Variants in SMARCA2 observed in about 807,000 individuals in gnomAD.
The protein encoded by SMARCA2 is SWI/SNF related BAF chromatin remodeling complex subunit ATPase 2.
A neutral mutation model predicts 199.8 loss-of-function variants in SMARCA2; 61 were observed. That is an observed-to-expected ratio of 0.31 (90% CI 0.25 to 0.38). SMARCA2 has a LOEUF of 0.38. Ranked by LOEUF, SMARCA2 falls within the 10% of genes least tolerant of loss-of-function variation. The probability of loss-of-function intolerance (pLI) is 1.00; values close to 1 mark genes in which losing one functional copy is unlikely to be tolerated. For synonymous variants in SMARCA2, 935 were observed against 732.0 expected (o/e 1.28, Z -4.48); for missense variants, 1,344 against 2,012.2 (o/e 0.67, Z 6.35).
Position 2,109,900 on chromosome 9 carries a change from AAG to A in SMARCA2, c.3293-350_3293-349del, listed in dbSNP as rs145106430. ...TGCACGTGTGTGTGTGTGAGAGTGAAAGAGACAGGGCGAGAGAGGAAGTGTGT... is the reference window on the plus strand; with the variant it reads ...TGCACGTGTGTGTGTGTGAGAGTGAAAGACAGGGCGAGAGAGGAAGTGTGT... On this transcript the variant is annotated intron_variant, in intron 23 of 33. Coordinates refer to ENST00000349721, the MANE Select transcript of SMARCA2 (RefSeq NM_003070.5). Among the ~76,000 whole-genome samples, 722 of 152,320 alleles carry A rather than the reference AAG, an allele frequency of 4.7e-3. 8 individuals are homozygous for A. Among genetic ancestry groups the A allele is most frequent in the African/African-American group, 0.016 (679 of 41,574 alleles).
At position 2,128,086 on chromosome 9, in the gene SMARCA2, A is replaced by G. The variant is rs1823776162; in HGVS notation, c.3981+4149A>G. ...ATCTTTTTGTGGTAGTCAGTTCAACATTCACATTCTGGGCTGTTTCTCTCT... is the reference window on the plus strand; with the variant it reads ...ATCTTTTTGTGGTAGTCAGTTCAACGTTCACATTCTGGGCTGTTTCTCTCT... On this transcript the variant is annotated intron_variant, in intron 27 of 33. Coordinates refer to ENST00000349721, the MANE Select transcript of SMARCA2 (RefSeq NM_003070.5). Among the ~76,000 whole-genome samples the G allele has an allele frequency of 2.0e-5, 3 of 152,132 alleles. No individual in the cohort carries two copies. In the South Asian group the frequency reaches 6.2e-4, roughly 31 times the overall value.
At chr9:2,140,276 G>A (rs1824400206) in intron 27 of SMARCA2, among the ~76,000 whole-genome samples, 1 of 152,126 alleles carries the variant, frequency 6.6e-6, no homozygotes, top group Non-Finnish European at 1.5e-5. Flanking sequence ...AAATTTTCAA[G>A]ACCATATTCA....
At chr9:2,047,549 G>C in intron 5 of SMARCA2, 65 bp downstream of exon 5, 1 of 1,233,676 alleles carries the variant, frequency 8.1e-7, no homozygotes, top group South Asian at 3.3e-5. Context: ...AAGCCGAGGG[G>C]GGTGAGGCGC....
chr9:2,096,505 A>G (rs758820147), intron 19 of SMARCA2, 152 bp from the exon 20 acceptor site: 12 of 601,658 alleles, frequency 2.0e-5, no homozygotes, highest in Non-Finnish European at 3.3e-5. Context: ...GGTCTCTTCT[A>G]ACACCCCCAT....
chr9:2,039,823 AGCCGCAGCAGCAGCCG>A lies in SMARCA2; in HGVS notation c.714_729del (p.Gln238HisfsTer27), dbSNP rs1819520874. On this transcript the variant is annotated frameshift_variant, in exon 4 of 34. Transcript: ENST00000349721. LOFTEE classifies it high-confidence loss of function. This position sits in a 1 kb window ranked among gnomAD's most constrained non-coding sequence, Gnocchi z 4.8. ...CAGCAGCAGCAGCAGCAGCAACAGC[AGCCGCAGCAGCAGCCG>A]CCGCAACCACAGACGCAGCAACAAC... 1 of 1,608,524 alleles carries A rather than the reference AGCCGCAGCAGCAGCCG, an allele frequency of 6.2e-7. No individual in the cohort carries two copies. The highest frequency in any genetic ancestry group is 1.3e-5 in the African/African-American group (1 of 74,788).
At chr9:2,144,930 A>G (rs1229424942) in intron 27 of SMARCA2, among the ~76,000 whole-genome samples, 1 of 151,870 alleles carries the variant, frequency 6.6e-6, no homozygotes, top group Non-Finnish European at 1.5e-5. Context: ...GCATATTCAC[A>G]ATCTGTGAAT....
chr9:2,084,768 A>G (rs1450161822), intron 17 of SMARCA2, among the ~76,000 whole-genome samples: 2 of 152,002 alleles, frequency 1.3e-5, no homozygotes, highest in East Asian at 3.9e-4. Context: ...GTGACTATTT[A>G]TTTGAAACTG....
At chr9:2,107,326 A>ATTTT (rs1822799267) in intron 23 of SMARCA2, among the ~76,000 whole-genome samples, 1 of 151,894 alleles carries the variant, frequency 6.6e-6, no homozygotes, top group Non-Finnish European at 1.5e-5. Context: ...TATTTAATTT[A>ATTTT]ATTTTATTTT....
chr9:2,164,839 A>G (rs554606891), intron 28 of SMARCA2, among the ~76,000 whole-genome samples: 93 of 152,292 alleles, frequency 6.1e-4, no homozygotes, highest in African/African-American at 2.2e-3. Flanking sequence ...GACACATTCT[A>G]TTAGCTCCCA....
intron 27 of SMARCA2, among the ~76,000 whole-genome samples, chr9:2,145,983 G>A (rs1317187279): frequency 6.6e-6 from 1 of 152,166 alleles, no homozygotes; most frequent in Non-Finnish European, 1.5e-5. Context: ...AATAAATATG[G>A]CATGCTACAG....
intron 21 of SMARCA2, among the ~76,000 whole-genome samples, chr9:2,100,169 A>G (rs1198798191): frequency 1.3e-5 from 2 of 152,232 alleles, no homozygotes; most frequent in Non-Finnish European, 2.9e-5. Flanking sequence ...CTCCATTCCC[A>G]CAGATGGTTG....
intron 12 of SMARCA2, among the ~76,000 whole-genome samples, chr9:2,075,601 T>C (rs1185791617): frequency 6.6e-6 from 1 of 152,228 alleles, no homozygotes; most frequent in Non-Finnish European, 1.5e-5. Context: ...AGTGGACATA[T>C]ATGGGGCCAT....
intron 27 of SMARCA2, among the ~76,000 whole-genome samples, chr9:2,137,147 A>G (rs896632630): frequency 3.3e-5 from 5 of 152,196 alleles, no homozygotes; most frequent in Non-Finnish European, 7.3e-5. Flanking sequence ...TTGAGAAAAG[A>G]AAGATTCAGG....
intron 31 of SMARCA2, among the ~76,000 whole-genome samples, chr9:2,183,480 T>C (rs1050614532): frequency 2.0e-5 from 3 of 152,244 alleles, no homozygotes; most frequent in African/African-American, 7.2e-5. Flanking sequence ...TTTTCCTGTC[T>C]GTATCTCTGG....
chr9:2,133,823 T>G (rs1236180820), intron 27 of SMARCA2, among the ~76,000 whole-genome samples: 1 of 152,142 alleles, frequency 6.6e-6, no homozygotes, highest in Non-Finnish European at 1.5e-5. Context: ...GAAAAATAAC[T>G]GTGACTTTTG....
chr9:2,097,702 G>A (rs1054115905), intron 21 of SMARCA2, among the ~76,000 whole-genome samples: 4 of 152,182 alleles, frequency 2.6e-5, no homozygotes, highest in Admixed American at 6.5e-5. Context: ...TTATAACCAA[G>A]AGTTTAAAGT....
intron 1 of SMARCA2, chr9:2,027,781 C>CA (rs1026672920): frequency 2.0e-5 from 3 of 152,198 alleles, no homozygotes; most frequent in African/African-American, 7.2e-5. Flanking sequence ...AATGGGTAAG[C>CA]AAATCACTTA....
At chr9:2,081,542 T>C (rs1235388604) in intron 14 of SMARCA2, among the ~76,000 whole-genome samples, 1 of 152,214 alleles carries the variant, frequency 6.6e-6, no homozygotes, top group Non-Finnish European at 1.5e-5. Context: ...TTTTCATTTA[T>C]AATAATTCTA....
In SMARCA2 at chr9:2,097,484, T is replaced by G. The variant is rs1164282960; in HGVS notation, c.3078+13T>G. The stretch of plus-strand genomic sequence containing the variant: ...TCAGCACATTGAGGTAAGTCTGTAT[T>G]GTGTGTTTTGAGCCTGATTGTGCTA... On this transcript the variant is annotated intron_variant, in intron 21 of 33. Coordinates refer to ENST00000349721, the MANE Select transcript of SMARCA2 (RefSeq NM_003070.5). The G allele has an allele frequency of 6.5e-7, 1 of 1,533,838 alleles. No individual in the cohort carries two copies. The highest frequency in any genetic ancestry group is 1.1e-5 in the South Asian group (1 of 88,112).
Sources: allele counts gnomAD v4.1 joint callset (sites outside exome capture counted in the v4.1 genomes callset), GRCh38; gene constraint gnomAD v4.1.1; non-coding constraint Gnocchi (gnomAD v3.1); transcripts MANE v1.5; gene names NCBI Gene and HGNC (gene_info 2026-07-23, HGNC 2026-07-21).